Variants in CABIN1 observed in about 807,000 individuals in gnomAD.
CABIN1 encodes the protein calcineurin-binding protein cabin-1.
In CABIN1, 133 loss-of-function variants were observed where a neutral mutation model predicts 227.7. The observed-to-expected ratio is 0.58, with a 90% CI of 0.51 to 0.67. The LOEUF (loss-of-function observed/expected upper bound fraction) is 0.67, where lower values mean the gene tolerates loss of function less well. Ranked by LOEUF, CABIN1 falls within the 30% of genes least tolerant of loss-of-function variation. The pLI is 0.00. For synonymous variants in CABIN1, 1,086 were observed against 1,155.1 expected, an observed-to-expected ratio of 0.94 and a Z score of 1.21; for missense variants, 2,408 against 2,852.5, an observed-to-expected ratio of 0.84 and a Z score of 3.55.
chr22:24,134,708 G>T (rs1344899197), intron 29 of CABIN1, among the ~76,000 whole-genome samples: 1 of 152,220 alleles, frequency 6.6e-6, no homozygotes, highest in Non-Finnish European at 1.5e-5. Context: ...GATGACAGGG[G>T]TACAGGCCCA....
chr22:24,039,454 G>GAAT (rs1208280434), intron 4 of CABIN1, among the ~76,000 whole-genome samples: 1 of 152,196 alleles, frequency 6.6e-6, no homozygotes, highest in Non-Finnish European at 1.5e-5. Context: ...ACTGGTTACA[G>GAAT]TGCTTTGGAA....
At chr22:24,153,783 G>A (rs1229410532) in intron 29 of CABIN1, among the ~76,000 whole-genome samples, 1 of 152,110 alleles carries the variant, frequency 6.6e-6, no homozygotes, top group South Asian at 2.1e-4. Flanking sequence ...AGCCCAGCTG[G>A]GAGCAACATT....
At chr22:24,066,848 A>G (rs546607492) in intron 15 of CABIN1, 139 bp from the exon 16 acceptor site, 11 of 754,526 alleles carry the variant, frequency 1.5e-5, no homozygotes, top group Middle Eastern at 3.6e-4. Flanking sequence ...TGAAGGAGGA[A>G]TCTAATTTTT....
chr22:24,060,570 A>C (rs916798818), intron 12 of CABIN1, among the ~76,000 whole-genome samples: 1 of 152,016 alleles, frequency 6.6e-6, no homozygotes, highest in Non-Finnish European at 1.5e-5. Context: ...GAGGAAAGGG[A>C]AACATTTGGT....
intron 22 of CABIN1, among the ~76,000 whole-genome samples, chr22:24,086,634 G>A (rs936742443): frequency 3.3e-5 from 5 of 152,224 alleles, no homozygotes; most frequent in African/African-American, 7.2e-5. Context: ...TGAGGGTGGC[G>A]TCTGTCCATT....
chr22:24,167,766 T>C (rs2046539934), intron 32 of CABIN1, among the ~76,000 whole-genome samples: 1 of 152,214 alleles, frequency 6.6e-6, no homozygotes, highest in African/African-American at 2.4e-5. Context: ...CTTTAGTGAC[T>C]GGTTCAGATG....
chr22:24,117,724 G>A (rs2043169197), intron 27 of CABIN1, among the ~76,000 whole-genome samples: 1 of 152,180 alleles, frequency 6.6e-6, no homozygotes, highest in South Asian at 2.1e-4. Flanking sequence ...CCCTCTGCCT[G>A]CTTTCCATAA....
intron 18 of CABIN1, among the ~76,000 whole-genome samples, chr22:24,073,062 C>G (rs1169335409): frequency 6.6e-6 from 1 of 152,164 alleles, no homozygotes; most frequent in Non-Finnish European, 1.5e-5. Context: ...GGGTCAGTGC[C>G]TGGCTCATGG....
At chr22:24,140,855 C>A (rs2044711963) in intron 29 of CABIN1, among the ~76,000 whole-genome samples, 1 of 152,094 alleles carries the variant, frequency 6.6e-6, no homozygotes, top group Admixed American at 6.5e-5. Flanking sequence ...TGTGGTGTCT[C>A]CCCTAAAGCT....
intron 32 of CABIN1, among the ~76,000 whole-genome samples, chr22:24,167,840 C>G (rs187274471): frequency 2.0e-5 from 3 of 152,190 alleles, no homozygotes; most frequent in Non-Finnish European, 1.5e-5. Flanking sequence ...CATCCTACCC[C>G]CAACTGCCCC....
intron 1 of CABIN1, among the ~76,000 whole-genome samples, chr22:24,018,570 A>G (rs1354756464): frequency 6.6e-6 from 1 of 152,194 alleles, no homozygotes; most frequent in African/African-American, 2.4e-5. Context: ...TAGTGATTTG[A>G]GATGCCATCT....
chr22:24,094,544 G>A (rs1455465238), intron 24 of CABIN1, among the ~76,000 whole-genome samples: 2 of 152,114 alleles, frequency 1.3e-5, no homozygotes, highest in South Asian at 4.1e-4. Flanking sequence ...CTGGCCGGGC[G>A]CGGTGGCTCA....
chr22:24,146,961 C>T (rs183490937), intron 29 of CABIN1, among the ~76,000 whole-genome samples: 1 of 152,326 alleles, frequency 6.6e-6, no homozygotes, highest in Non-Finnish European at 1.5e-5. Context: ...GACTGGGAAC[C>T]CATGTCCCTT....
intron 15 of CABIN1, among the ~76,000 whole-genome samples, chr22:24,065,265 C>G (rs1327340066): frequency 6.6e-6 from 1 of 151,188 alleles, no homozygotes; most frequent in Non-Finnish European, 1.5e-5. Flanking sequence ...GGCTGCCAGG[C>G]GGAGGGTCTC....
intron 8 of CABIN1, among the ~76,000 whole-genome samples, chr22:24,053,465 C>T (rs71318945): frequency 0.018 from 2,797 of 152,168 alleles, 33 homozygotes; most frequent in Middle Eastern, 0.031. Context: ...GCAACCTCCA[C>T]CTCCCAGGTT....
At chr22:24,128,170 C>T (rs2043849469) in intron 28 of CABIN1, among the ~76,000 whole-genome samples, 1 of 152,088 alleles carries the variant, frequency 6.6e-6, no homozygotes, top group East Asian at 1.9e-4. Flanking sequence ...CTTCTGCCTA[C>T]TTTCTTTACA....
intron 26 of CABIN1, among the ~76,000 whole-genome samples, chr22:24,108,933 G>A (rs1569227757): frequency 6.6e-6 from 1 of 152,170 alleles, no homozygotes; most frequent in Non-Finnish European, 1.5e-5. Flanking sequence ...ACATGCTCAG[G>A]TTCTCTGAAA....
intron 29 of CABIN1, among the ~76,000 whole-genome samples, chr22:24,138,957 C>A (rs953298013): frequency 2.0e-5 from 3 of 152,084 alleles, no homozygotes; most frequent in African/African-American, 7.2e-5. Context: ...AAATTAGAGT[C>A]CTGTCTTGGG....
intron 1 of CABIN1, among the ~76,000 whole-genome samples, chr22:24,019,366 T>TCAGA (rs2035543027): frequency 4.0e-5 from 6 of 151,420 alleles, no homozygotes; most frequent in African/African-American, 1.5e-4. Context: ...TCCTGACTTC[T>TCAGA]TGATCCTCCT....
Sources: gnomAD v4.1 joint callset for allele counts (sites outside exome capture counted in the v4.1 genomes callset) on GRCh38, gnomAD v4.1.1 for gene constraint, MANE v1.5 for transcripts, NCBI Gene and HGNC (gene_info 2026-07-23, HGNC 2026-07-21) for gene names.